The following IQCH variants were observed in gnomAD, a reference collection of about 807,000 sequenced individuals.
IQCH encodes the protein IQ domain-containing protein H.
Under a neutral mutation model 117.0 loss-of-function variants are expected in IQCH, and 98 were observed. The ratio of observed to expected loss-of-function variants is 0.84; its 90% confidence interval spans 0.71 to 0.99. IQCH has a LOEUF of 0.99. IQCH is among the 50% of genes least tolerant of loss of function. The pLI is 0.00. For missense variants in IQCH, 1,102 were observed against 1,243.8 expected (o/e 0.89, Z 1.72); for synonymous variants, 412 against 448.2 (o/e 0.92, Z 1.02).
chr15:67,274,889 C>G (rs557970274), intron 3 of IQCH, among the ~76,000 whole-genome samples: 1 of 152,178 alleles, frequency 6.6e-6, no homozygotes, highest in South Asian at 2.1e-4. Context: ...CAACTTAAGC[C>G]CGGATTTGTG....
At position 67,393,301 on chromosome 15, in the gene IQCH, T is replaced by C. The variant is rs1330815160; in HGVS notation, c.1633-1990T>C. Among the ~76,000 whole-genome samples the C allele has an allele frequency of 6.6e-6, 1 of 152,196 alleles. No homozygotes were observed. The highest frequency in any genetic ancestry group is 1.5e-5 in the Non-Finnish European group (1 of 68,038). On this transcript the variant is annotated intron_variant, in intron 12 of 20. Transcript: ENST00000335894. The surrounding 1 kb of genome is among the most constrained non-coding windows in gnomAD (Gnocchi z 5.5). ...CCCCAGTCTAGTTCTCTTTCTCCCA[T>C]ACTCAGGAGTTATACTCTCCGACAA...
chr15:67,444,451 G>C (rs1412729956), intron 16 of IQCH, among the ~76,000 whole-genome samples: 1 of 152,142 alleles, frequency 6.6e-6, no homozygotes, highest in African/African-American at 2.4e-5. Flanking sequence ...TCTACAAGTA[G>C]CTACTCCTTT....
chr15:67,399,918 T>C (rs1971587865), intron 13 of IQCH, among the ~76,000 whole-genome samples, 196 bp from the exon 14 acceptor site: 2 of 152,240 alleles, frequency 1.3e-5, no homozygotes, highest in Admixed American at 1.3e-4. Context: ...TTTGGTCTCA[T>C]TGGTTAATGG....
chr15:67,271,922 T>C (rs1429406068), intron 3 of IQCH, among the ~76,000 whole-genome samples: 1 of 152,168 alleles, frequency 6.6e-6, no homozygotes, highest in Non-Finnish European at 1.5e-5. Context: ...CATTTATTTC[T>C]GCTCTAGTCT....
chr15:67,381,247 G>C lies in IQCH; in HGVS notation c.1373-3689G>C, dbSNP rs1970918778. On this transcript the variant is annotated intron_variant, in intron 10 of 20. Transcript: ENST00000335894. This position sits in a 1 kb window ranked among gnomAD's most constrained non-coding sequence, Gnocchi z 5.1. ...ATGCAGAAAGGGACTGGGAAAGGCT[G>C]TGAAGGTAGAAGTGAAGATGGAGAA... 6.6e-6 allele frequency among the ~76,000 whole-genome samples: 1 copy of C among 152,234 alleles called. No individual in the cohort carries two copies. The highest frequency in any genetic ancestry group is 2.1e-4 in the South Asian group (1 of 4,834).
chr15:67,286,193 A>G (rs1471777022), intron 4 of IQCH, among the ~76,000 whole-genome samples: 1 of 152,108 alleles, frequency 6.6e-6, no homozygotes, highest in Admixed American at 6.5e-5. Flanking sequence ...ACTTGTAGCT[A>G]TTGTAAATGG....
rs1389612046 is a variant in IQCH, at chr15:67,376,742, A to G, written c.1372+3309A>G. Among the ~76,000 whole-genome samples, 1 of 152,212 alleles carries G rather than the reference A, an allele frequency of 6.6e-6. No homozygotes were observed. Among genetic ancestry groups the G allele is most frequent in the African/African-American group, 2.4e-5 (1 of 41,442 alleles). On this transcript the variant is annotated intron_variant, in intron 10 of 20. Transcript: ENST00000335894. The surrounding 1 kb of genome is among the most constrained non-coding windows in gnomAD (Gnocchi z 5.0). ...CCTTTCAGTAATGTTTTTGACCACA[A>G]AATATTTATAAAGTATTTTAAAATC...
At position 67,265,256 on chromosome 15, in the gene IQCH, T is replaced by C. The variant is rs143934794; in HGVS notation, c.269+2040T>C. On this transcript the variant is annotated intron_variant, in intron 3 of 20. Transcript: ENST00000335894. Reference sequence around the variant, plus strand: ...AAACAGAAAGTATCTGGCAGAAATCTTTTCTTACACAGTTCTCTTTTGCCA... The same window carrying C: ...AAACAGAAAGTATCTGGCAGAAATCCTTTCTTACACAGTTCTCTTTTGCCA... 3.0e-4 allele frequency among the ~76,000 whole-genome samples: 46 copies of C among 152,360 alleles called. 1 individual carries two copies. The East Asian group carries it at 6.0e-3, about 20-fold the overall frequency.
intron 8 of IQCH, among the ~76,000 whole-genome samples, chr15:67,367,960 C>G (rs1467243406): frequency 1.3e-5 from 2 of 152,162 alleles, no homozygotes; most frequent in African/African-American, 4.8e-5. Context: ...GTCATTTAAC[C>G]TCTCTGAGCC....
rs1193654182 is a variant in IQCH, at chr15:67,501,282, T to C, written c.*536T>C. On this transcript the variant is annotated 3_prime_UTR_variant, in exon 21 of 21. Transcript: ENST00000335894. This position sits in a 1 kb window ranked among gnomAD's most constrained non-coding sequence, Gnocchi z 5.2. ...TGACTATCATTCATCGTGTTTTTGT[T>C]ATACCAAGCCACTATTGTCTGCTAT... 6.6e-6 allele frequency: 1 copy of C among 152,230 alleles called. No homozygotes were observed. The highest frequency in any genetic ancestry group is 6.6e-5 in the Admixed American group (1 of 15,266). The allele number at this position is 152,230 out of a possible 1,614,324, so 9.4% of individuals were successfully genotyped here. A position where few individuals can be genotyped will look rare whatever the true frequency, so the allele number is the denominator to read the frequency against.
intron 10 of IQCH, among the ~76,000 whole-genome samples, chr15:67,383,509 T>TG (rs1971011420): frequency 6.6e-6 from 1 of 152,232 alleles, no homozygotes. Flanking sequence ...AATGCAGTCA[T>TG]GGAATGCTCT....
intron 16 of IQCH, among the ~76,000 whole-genome samples, chr15:67,455,626 G>C (rs2082641675): frequency 6.6e-6 from 1 of 152,100 alleles, no homozygotes; most frequent in South Asian, 2.1e-4. Flanking sequence ...TTTGCACGAT[G>C]GTCATCGAAG....
At position 67,430,934 on chromosome 15, in the gene IQCH, T is replaced by G. The variant is rs2082005717; in HGVS notation, c.2505+9357T>G. Among the ~76,000 whole-genome samples, 1 of 152,192 alleles carries G rather than the reference T, an allele frequency of 6.6e-6. No individual in the cohort carries two copies. Among genetic ancestry groups the G allele is most frequent in the Non-Finnish European group, 1.5e-5 (1 of 68,022 alleles). ...AGACATCAAAAAGGTAATATCAGTT[T>G]AACGGCCAAATGATTTTTCTACATG... On this transcript the variant is annotated intron_variant, in intron 16 of 20. Transcript: ENST00000335894. This position sits in a 1 kb window ranked among gnomAD's most constrained non-coding sequence, Gnocchi z 5.1.
rs2082036904 is a variant in IQCH at position 67,432,302 on chromosome 15, A to G, written c.2505+10725A>G. Among the ~76,000 whole-genome samples, 1 of 152,226 alleles carries G rather than the reference A, an allele frequency of 6.6e-6. No individual in the cohort carries two copies. The highest frequency in any genetic ancestry group is 2.1e-4 in the South Asian group (1 of 4,832). On this transcript the variant is annotated intron_variant, in intron 16 of 20. Coordinates refer to ENST00000335894, the MANE Select transcript of IQCH (RefSeq NM_001031715.3). The surrounding 1 kb of genome is among the most constrained non-coding windows in gnomAD (Gnocchi z 5.0). ...AAGATGAAAATGGAGGCCCTGATAT[A>G]TACCGCAGTATATCCCATAAAGTCT...
rs1047417159 is a variant in IQCH at position 67,364,359 on chromosome 15, C to T, written c.753+4474C>T. Among the ~76,000 whole-genome samples, 5 of 152,082 alleles carry T rather than the reference C, an allele frequency of 3.3e-5. No homozygotes were observed. Among genetic ancestry groups the T allele is most frequent in the African/African-American group, 9.7e-5 (4 of 41,428 alleles). Reference sequence around the variant, plus strand: ...TTAGAAATTGCCATCCTCACCTATGCGTTTTCATCATTAAACTTTCCAAAT... The same window carrying T: ...TTAGAAATTGCCATCCTCACCTATGTGTTTTCATCATTAAACTTTCCAAAT... On this transcript the variant is annotated intron_variant, in intron 8 of 20. Coordinates refer to ENST00000335894, the MANE Select transcript of IQCH (RefSeq NM_001031715.3). The surrounding 1 kb of genome is among the most constrained non-coding windows in gnomAD (Gnocchi z 4.1).
chr15:67,366,030 G>A lies in IQCH; in HGVS notation c.754-6081G>A, dbSNP rs959903106. Among the ~76,000 whole-genome samples, 8 of 152,176 alleles carry A rather than the reference G, an allele frequency of 5.3e-5. No homozygotes were observed. The highest frequency in any genetic ancestry group is 2.1e-4 in the South Asian group (1 of 4,822). On this transcript the variant is annotated intron_variant, in intron 8 of 20. Transcript: ENST00000335894. This position sits in a 1 kb window ranked among gnomAD's most constrained non-coding sequence, Gnocchi z 4.4. ...TCTTTAGTGATTTGGATCAAGGAAC[G>A]TACTAGATCCACATTTTTCTCAGGA... is the stretch of plus-strand genomic sequence containing the variant.
chr15:67,465,022 T>C lies in IQCH; in HGVS notation c.2506-105T>C. On this transcript the variant is annotated intron_variant, in intron 16 of 20. Coordinates refer to ENST00000335894, the MANE Select transcript of IQCH (RefSeq NM_001031715.3). The surrounding 1 kb of genome is among the most constrained non-coding windows in gnomAD (Gnocchi z 5.9). ...CTACTCCATTAAGACACATGGTCAC[T>C]GGTTTCACTTAGTCTGATGTAGTTT... 1.0e-6 allele frequency: 1 copy of C among 995,358 alleles called. No homozygotes were observed. The highest frequency in any genetic ancestry group is 1.5e-6 in the Non-Finnish European group (1 of 656,526). 61.7% of individuals were successfully genotyped at this position (995,358 alleles called of 1,614,324 possible).
chr15:67,321,513 T>C (rs182772079), intron 4 of IQCH, among the ~76,000 whole-genome samples: 4 of 149,572 alleles, frequency 2.7e-5, no homozygotes, highest in African/African-American at 7.5e-5. Flanking sequence ...CTTTCTTTCT[T>C]TTTCTTTCTT....
intron 4 of IQCH, among the ~76,000 whole-genome samples, chr15:67,335,270 C>T (rs1968841538): frequency 6.6e-6 from 1 of 152,152 alleles, no homozygotes; most frequent in Non-Finnish European, 1.5e-5. Context: ...GTTTTATGTT[C>T]GATCCTGCTA....
Sources: allele counts gnomAD v4.1 joint callset (sites outside exome capture counted in the v4.1 genomes callset), GRCh38; gene constraint gnomAD v4.1.1; non-coding constraint Gnocchi (gnomAD v3.1); transcripts MANE v1.5; gene names NCBI Gene and HGNC (gene_info 2026-07-23, HGNC 2026-07-21).